CPHXL: variants seen among roughly 807,000 people sequenced by gnomAD.
The protein encoded by CPHXL is cytoplasmic polyadenylated homeobox-like protein.
chr16:75,719,578 G>T (rs1239009963), intron 1 of CPHXL, among the ~76,000 whole-genome samples: 1 of 152,144 alleles, frequency 6.6e-6, no homozygotes, highest in African/African-American at 2.4e-5. Context: ...CATTACCCAG[G>T]CTTGCTTAGG....
intron 2 of CPHXL, among the ~76,000 whole-genome samples, chr16:75,717,796 G>C (rs953058350): frequency 5.9e-5 from 9 of 152,120 alleles, no homozygotes; most frequent in African/African-American, 2.2e-4. Flanking sequence ...CTGTGCATGT[G>C]GACCCAGTGG....
intron 1 of CPHXL, among the ~76,000 whole-genome samples, chr16:75,721,347 T>C (rs2151839607): frequency 6.6e-6 from 1 of 152,220 alleles, no homozygotes; most frequent in Non-Finnish European, 1.5e-5. Context: ...TGTGCTGTAT[T>C]CAGGAAACAC....
At chr16:75,718,189 G>A (rs1400279612) in intron 2 of CPHXL, 76 bp downstream of exon 2, 3 of 396,158 alleles carry the variant, frequency 7.6e-6, no homozygotes, top group Non-Finnish European at 8.9e-6. Context: ...CTGTGCATCT[G>A]CCTGTGTGAT....
intron 1 of CPHXL, among the ~76,000 whole-genome samples, chr16:75,721,330 C>A (rs1959474086): frequency 2.0e-5 from 3 of 152,042 alleles, no homozygotes; most frequent in African/African-American, 7.2e-5. Context: ...GAGTCAAGAC[C>A]CATCAGTGTG....
At chr16:75,725,669 G>C (rs1050894148) in intron 1 of CPHXL, among the ~76,000 whole-genome samples, 1 of 149,466 alleles carries the variant, frequency 6.7e-6, no homozygotes, top group African/African-American at 2.4e-5. Flanking sequence ...AGCCAGGATG[G>C]TCTCAATATC....
rs1340455344 is a variant in CPHXL at position 75,723,346 on chromosome 16, A to G, written c.25+3072T>C. On this transcript the variant is annotated intron_variant, in intron 1 of 2. Coordinates refer to ENST00000640559, the MANE Select transcript of CPHXL (RefSeq NM_001355613.1). ...GCAGATGACATGATTGTATATCTAG[A>G]AAACCCCATCGTCTCAGCCCAAAAT... Among the ~76,000 whole-genome samples the G allele has an allele frequency of 6.6e-5, 10 of 152,180 alleles. No homozygotes were observed. The East Asian group carries it at 7.7e-4, about 12-fold the overall frequency.
chr16:75,718,103 A>G (rs1169016611), intron 2 of CPHXL, among the ~76,000 whole-genome samples, 162 bp downstream of exon 2: 1 of 152,016 alleles, frequency 6.6e-6, no homozygotes, highest in Admixed American at 6.6e-5. Context: ...CTGTAGTCCC[A>G]GCTACTCAGG....
At chr16:75,725,063 G>C (rs1017191397) in intron 1 of CPHXL, among the ~76,000 whole-genome samples, 2 of 150,604 alleles carry the variant, frequency 1.3e-5, no homozygotes, top group Non-Finnish European at 3.0e-5. Flanking sequence ...CTCATAGGTG[G>C]AAATTGAACA....
chr16:75,721,712 A>G (rs916667409), intron 1 of CPHXL, among the ~76,000 whole-genome samples: 1 of 152,212 alleles, frequency 6.6e-6, no homozygotes, highest in Non-Finnish European at 1.5e-5. Context: ...AAAGTTAACA[A>G]GGATATCCAA....
chr16:75,714,471 T>A lies in CPHXL; in HGVS notation c.971A>T (p.Tyr324Phe), dbSNP rs1010215783. Reference sequence around the variant, plus strand: ...TTCCTGCAACATCATCCCCTCTAAGTAATTCTGAGGCTGTTGGTGCTGCTG... The same window carrying A: ...TTCCTGCAACATCATCCCCTCTAAGAAATTCTGAGGCTGTTGGTGCTGCTG... Reference protein sequence around the residue: ...HLQQHQQPQNYLEGMMLQEQL... With the variant: ...HLQQHQQPQNFLEGMMLQEQL... Residue 324 changes from tyrosine to phenylalanine, a missense_variant, in exon 3 of 3, where the codon TAC becomes TTC. Physicochemically the swap from Tyr to Phe is conservative, Grantham distance 22. Transcript: ENST00000640559. 3.5e-5 allele frequency: 14 copies of A among 398,506 alleles called. No homozygotes were observed. The highest frequency in any genetic ancestry group is 2.9e-4 in the African/African-American group (14 of 48,636). The allele number at this position is 398,506 out of a possible 1,614,324, so 24.7% of individuals were successfully genotyped here.
chr16:75,724,368 C>G (rs1163999738), intron 1 of CPHXL, among the ~76,000 whole-genome samples: 1 of 152,144 alleles, frequency 6.6e-6, no homozygotes, highest in African/African-American at 2.4e-5. Context: ...TTTTTGCAAT[C>G]TATCCATCTG....
intron 1 of CPHXL, among the ~76,000 whole-genome samples, chr16:75,725,560 C>T (rs1323462297): frequency 6.6e-6 from 1 of 151,612 alleles, no homozygotes; most frequent in Non-Finnish European, 1.5e-5. Context: ...TCACGCCATT[C>T]TCCTGCCTCA....
At chr16:75,721,231 G>T (rs147515808) in intron 1 of CPHXL, among the ~76,000 whole-genome samples, 1,744 of 152,236 alleles carry the variant, frequency 0.011, 36 homozygotes, top group African/African-American at 0.04. Flanking sequence ...CATAATGACA[G>T]GATCAAATTC....
At chr16:75,722,138 C>G (rs1023958701) in intron 1 of CPHXL, among the ~76,000 whole-genome samples, 1 of 152,084 alleles carries the variant, frequency 6.6e-6, no homozygotes, top group African/African-American at 2.4e-5. Context: ...ACTAAATGCC[C>G]ACAAGAGAAA....
intron 1 of CPHXL, 35 bp downstream of exon 1, chr16:75,726,383 T>C (rs1281176374): frequency 2.5e-6 from 1 of 398,460 alleles, no homozygotes; most frequent in Non-Finnish European, 4.4e-6. Context: ...GCAAGGGAAG[T>C]AGCATTGTAA....
chr16:75,715,300 G>C (rs988417906), intron 2 of CPHXL, 78 bp from the exon 3 acceptor site: 1 of 397,846 alleles, frequency 2.5e-6, no homozygotes, highest in East Asian at 3.6e-5. Context: ...TAATGTAGGA[G>C]GATTTTTCTA....
Position 75,714,424 on chromosome 16 carries a change from G to A in CPHXL, c.1018C>T (p.Pro340Ser). ...LQEQLPMDSGPWDLGKQWSSA... is the reference protein window; with the variant it reads ...LQEQLPMDSGSWDLGKQWSSA... ...GACCACTGCTTCCCTAGATCCCAAG[G>A]ACCCGAGTCCATTGGGAGCTGTTCC... Residue 340 changes from proline to serine, a missense_variant, in exon 3 of 3, where the codon CCT becomes TCT. Coordinates refer to ENST00000640559, the MANE Select transcript of CPHXL (RefSeq NM_001355613.1). 2.5e-6 allele frequency: 1 copy of A among 398,566 alleles called. No homozygotes were observed. Among genetic ancestry groups the A allele is most frequent in the Non-Finnish European group, 4.4e-6 (1 of 226,076 alleles). The allele number at this position is 398,566 out of a possible 1,614,324, so 24.7% of individuals were successfully genotyped here. A position where few individuals can be genotyped will look rare whatever the true frequency, so the allele number is the denominator to read the frequency against.
chr16:75,720,185 A>C (rs2151839342), intron 1 of CPHXL, among the ~76,000 whole-genome samples: 1 of 152,340 alleles, frequency 6.6e-6, no homozygotes, highest in East Asian at 1.9e-4. Flanking sequence ...AAACTCTAAA[A>C]ATCAGAGTGC....
intron 1 of CPHXL, among the ~76,000 whole-genome samples, chr16:75,719,259 G>A (rs1297139566): frequency 6.6e-6 from 1 of 152,200 alleles, no homozygotes; most frequent in African/African-American, 2.4e-5. Context: ...AGTGGGTACA[G>A]GAGAGTGGGT....
Sources: gnomAD v4.1 joint callset for allele counts (sites outside exome capture counted in the v4.1 genomes callset) on GRCh38, gnomAD v4.1.1 for gene constraint, MANE v1.5 for transcripts, NCBI Gene and HGNC (gene_info 2026-07-23, HGNC 2026-07-21) for gene names.